Variants in TMEM160 observed in about 807,000 individuals in gnomAD.
TMEM160 encodes the protein transmembrane protein 160.
Under a neutral mutation model 13.9 loss-of-function variants are expected in TMEM160, and 10 were observed. The ratio of observed to expected loss-of-function variants is 0.72; its 90% CI spans 0.45 to 1.22. The LOEUF (loss-of-function observed/expected upper bound fraction) is 1.22. Ranked by LOEUF, TMEM160 falls within the 50% of genes most tolerant of loss-of-function variation. The pLI is 0.00. For synonymous variants in TMEM160, 159 were observed against 134.8 expected, an observed-to-expected ratio of 1.18 and a Z score of -1.25; for missense variants, 287 against 283.2, an observed-to-expected ratio of 1.01 and a Z score of -0.10.
At chr19:47,046,381 C>G in intron 2 of TMEM160, 129 bp from the exon 3 acceptor site, 1 of 1,220,386 alleles carries the variant, frequency 8.2e-7, no homozygotes. Context: ...AGAATCAGAT[C>G]GGAGGGGAGG....
At chr19:47,047,677 C>A (rs2057088236) in intron 1 of TMEM160, 4 of 730,460 alleles carry the variant, frequency 5.5e-6, no homozygotes, top group Non-Finnish European at 5.0e-6. Flanking sequence ...AAGCAAGACC[C>A]CGTCTCTACA....
chr19:47,046,506 G>C, intron 2 of TMEM160, 87 bp downstream of exon 2: 1 of 1,162,402 alleles, frequency 8.6e-7, no homozygotes, highest in Non-Finnish European at 1.3e-6. Flanking sequence ...AGTGGGATGG[G>C]GTAGGAGAGT....
chr19:47,046,332 C>G, intron 2 of TMEM160, 80 bp from the exon 3 acceptor site: 2 of 1,465,852 alleles, frequency 1.4e-6, no homozygotes, highest in Non-Finnish European at 1.8e-6. Flanking sequence ...GAGACAGGAA[C>G]AGAGGCAGGG....
chr19:47,046,468 G>A, intron 2 of TMEM160, 125 bp downstream of exon 2: 1 of 967,856 alleles, frequency 1.0e-6, no homozygotes, highest in Non-Finnish European at 1.6e-6. Context: ...GGTGGGGGAA[G>A]AATGGGGGTT....
Position 47,046,253 on chromosome 19 carries a change from C to A in TMEM160, c.302-1G>T. The stretch of plus-strand genomic sequence containing the variant: ...CACAGGCCGCCCAGCAGGAAGAAGC[C>A]TGCGGGAGAGGCAGGGTAGCAACAG... On this transcript the variant is annotated splice_acceptor_variant, in intron 2 of 2. Transcript: ENST00000253047. LOFTEE classifies it high-confidence loss of function. 6.5e-7 allele frequency: 1 copy of A among 1,535,492 alleles called. No individual in the cohort carries two copies. The highest frequency in any genetic ancestry group is 8.7e-7 in the Non-Finnish European group (1 of 1,146,246).
chr19:47,046,181 G>C lies in TMEM160; in HGVS notation c.373C>G (p.Arg125Gly). The change falls in exon 3 of 3, where the codon CGA (arginine) becomes GGA (glycine). Residue 125 changes from arginine to glycine, a missense_variant. Arg to Gly is a moderately radical substitution (Grantham distance 125). Transcript: ENST00000253047. ...CCCAGCGTCAGCTGCATGGGTCCTC[G>C]CAGCGCCGCCAGGCCCACGGCGTAC... Reference protein sequence around the residue: ...ASYAVGLAALRGPMQLTLGGA... With the variant: ...ASYAVGLAALGGPMQLTLGGA... The C allele has an allele frequency of 6.0e-6, 9 of 1,511,080 alleles. No homozygotes were observed. The highest frequency in any genetic ancestry group is 7.9e-6 in the Non-Finnish European group (9 of 1,137,274). The allele number at this position is 1,511,080 out of a possible 1,614,324, so 93.6% of individuals were successfully genotyped here. A position where few individuals can be genotyped will look rare whatever the true frequency, so the allele number is the denominator to read the frequency against.
In TMEM160 at chr19:47,046,264, G is replaced by A; in HGVS notation, c.302-12C>T. ...CAGCAGGAAGAAGCCTGCGGGAGAG[G>A]CAGGGTAGCAACAGGGCCAAGGTCG... On this transcript the variant is annotated splice_polypyrimidine_tract_variant and intron_variant, in intron 2 of 2. Coordinates refer to ENST00000253047, the MANE Select transcript of TMEM160 (RefSeq NM_017854.2). 1 of 1,532,342 alleles carries A rather than the reference G, an allele frequency of 6.5e-7. No individual in the cohort carries two copies. Among genetic ancestry groups the A allele is most frequent in the Non-Finnish European group, 8.7e-7 (1 of 1,144,858 alleles). The allele number at this position is 1,532,342 out of a possible 1,614,324, so 94.9% of individuals were successfully genotyped here.
In TMEM160 at chr19:47,048,394, C is replaced by A; in HGVS notation, c.208+13G>T. 1 of 1,492,544 alleles carries A rather than the reference C, an allele frequency of 6.7e-7. No individual in the cohort carries two copies. Among genetic ancestry groups the A allele is most frequent in the Non-Finnish European group, 8.9e-7 (1 of 1,129,918 alleles). The allele number at this position is 1,492,544 out of a possible 1,614,324, so 92.5% of individuals were successfully genotyped here. ...CCGTCCCATCCGCACCGCCCCCACC[C>A]CTAGCCACCGACCTGTCTCGTGCGC... On this transcript the variant is annotated intron_variant, in intron 1 of 2. Coordinates refer to ENST00000253047, the MANE Select transcript of TMEM160 (RefSeq NM_017854.2).
intron 1 of TMEM160, chr19:47,047,491 C>G (rs962572327): frequency 1.0e-6 from 1 of 985,382 alleles, no homozygotes. Context: ...ATGGCCTGGG[C>G]CAATCCCACC....
intron 1 of TMEM160, chr19:47,047,325 A>G (rs946198948): frequency 5.7e-5 from 56 of 985,100 alleles, no homozygotes; most frequent in Non-Finnish European, 6.4e-5. Context: ...CTCTACGTGT[A>G]CCCCCACGGC....
At position 47,046,119 on chromosome 19, in the gene TMEM160, G is replaced by A. The variant is rs2057077482; in HGVS notation, c.435C>T (p.Ala145=). 2.0e-6 allele frequency: 3 copies of A among 1,512,448 alleles called. No individual in the cohort carries two copies. Among genetic ancestry groups the A allele is most frequent in the African/African-American group, 1.4e-5 (1 of 69,864 alleles). 93.7% of individuals were successfully genotyped at this position (1,512,448 alleles called of 1,614,324 possible). A position where few individuals can be genotyped will look rare whatever the true frequency, so the allele number is the denominator to read the frequency against. ...AAVGAGAVLA[A]SLLWACAVGL... ...CCACGGCGCACGCCCAGAGCAGGCT[G>A]GCGGCCAGCACGGCGCCCGCGCCCA... is the stretch of plus-strand genomic sequence containing the variant. Residue 145 remains alanine (A), a synonymous_variant, in exon 3 of 3, where the codon GCC becomes GCT. Coordinates refer to ENST00000253047, the MANE Select transcript of TMEM160 (RefSeq NM_017854.2).
Position 47,046,653 on chromosome 19 carries a change from C to A in TMEM160, c.241G>T (p.Ala81Ser). 2 of 1,613,376 alleles carry A rather than the reference C, an allele frequency of 1.2e-6. No individual in the cohort carries two copies. Among genetic ancestry groups the A allele is most frequent in the South Asian group, 2.2e-5 (2 of 91,066 alleles). ...AAGGAGATGACCCCGATGCCCGATG[C>A]CAGGAGGCCATTGCGGAACCAGGAG... ...FLSWFRNGLL[A>S]SGIGVISFMQ... The change falls in exon 2 of 3, where the codon GCA becomes TCA. Residue 81 changes from alanine to serine, a missense_variant. Physicochemically the swap from Ala to Ser is moderately conservative, Grantham distance 99. Coordinates refer to ENST00000253047, the MANE Select transcript of TMEM160 (RefSeq NM_017854.2).
intron 2 of TMEM160, 30 bp from the exon 3 acceptor site, chr19:47,046,282 C>T: frequency 6.6e-7 from 1 of 1,518,396 alleles, no homozygotes; most frequent in Non-Finnish European, 8.8e-7. Context: ...GCAACAGGGC[C>T]AAGGTCGGGG....
chr19:47,046,116 G>C lies in TMEM160; in HGVS notation c.438C>G (p.Ser146Arg), dbSNP rs1405110919. The change falls in exon 3 of 3, where the codon AGC becomes AGG. Residue 146 changes from serine (S) to arginine (R), a missense_variant. By Grantham distance (110) the Ser-to-Arg change is moderately radical. Coordinates refer to ENST00000253047, the MANE Select transcript of TMEM160 (RefSeq NM_017854.2). ...GGCCCACGGCGCACGCCCAGAGCAGGCTGGCGGCCAGCACGGCGCCCGCGC... is the reference window on the plus strand; with the variant it reads ...GGCCCACGGCGCACGCCCAGAGCAGCCTGGCGGCCAGCACGGCGCCCGCGC... ...AVGAGAVLAA[S>R]LLWACAVGLY... is the part of the protein sequence containing the mutation. 1 of 1,514,426 alleles carries C rather than the reference G, an allele frequency of 6.6e-7. No homozygotes were observed. The highest frequency in any genetic ancestry group is 2.0e-5 in the Admixed American group (1 of 48,826). 93.8% of individuals were successfully genotyped at this position (1,514,426 alleles called of 1,614,324 possible). A position where few individuals can be genotyped will look rare whatever the true frequency, so the allele number is the denominator to read the frequency against.
intron 1 of TMEM160, chr19:47,047,780 A>C: frequency 1.5e-6 from 1 of 662,830 alleles, no homozygotes; most frequent in Non-Finnish European, 1.9e-6. Flanking sequence ...CAGGAGTTCA[A>C]GGCTGCAGTG....
At chr19:47,047,549 A>C (rs184303755) in intron 1 of TMEM160, 53 of 973,720 alleles carry the variant, frequency 5.4e-5, no homozygotes, top group Middle Eastern at 1.0e-3. Flanking sequence ...ACCACACCCT[A>C]TATCTAGATG....
At chr19:47,046,345 G>A (rs528468352) in intron 2 of TMEM160, 93 bp from the exon 3 acceptor site, 145 of 1,407,108 alleles carry the variant, frequency 1.0e-4, no homozygotes, top group Non-Finnish European at 1.3e-4. Context: ...AGGCAGGGCC[G>A]TGCCAGGGGC....
At chr19:47,048,366 C>A in intron 1 of TMEM160, 41 bp downstream of exon 1, 1 of 1,447,044 alleles carries the variant, frequency 6.9e-7, no homozygotes, top group Non-Finnish European at 9.1e-7. Context: ...GAGCCCGGGA[C>A]CCCCGTCCCA....
Position 47,046,089 on chromosome 19 carries a change from G to T in TMEM160, c.465C>A (p.Leu155=). The T allele has an allele frequency of 6.5e-7, 1 of 1,540,336 alleles. No individual in the cohort carries two copies. The highest frequency in any genetic ancestry group is 8.7e-7 in the Non-Finnish European group (1 of 1,149,328). ...ASLLWACAVG[L]YMGQLELDVE... ...CGTCCAGCTCCAGCTGCCCCATGTA[G>T]AGGCCCACGGCGCACGCCCAGAGCA... Residue 155 remains leucine (L), a synonymous_variant, in exon 3 of 3, where the codon CTC becomes CTA. Transcript: ENST00000253047.
Sources: allele counts gnomAD v4.1 joint callset, GRCh38; gene constraint gnomAD v4.1.1; transcripts MANE v1.5; gene names NCBI Gene and HGNC (gene_info 2026-07-23, HGNC 2026-07-21).